GPATCH8: variants seen among roughly 807,000 people sequenced by gnomAD.
GPATCH8 encodes the protein G-patch domain containing 8.
Under a neutral mutation model 118.3 loss-of-function variants are expected in GPATCH8, and 18 were observed. The observed-to-expected ratio is 0.15, with a 90% CI of 0.11 to 0.23. The LOEUF is 0.23. Among genes scored for constraint, GPATCH8 ranks in the 10% least tolerant of loss-of-function variants. The probability of loss-of-function intolerance (pLI) is 1.00; values close to 1 mark genes in which losing one functional copy is unlikely to be tolerated. For synonymous variants in GPATCH8, 659 were observed against 684.7 expected, an observed-to-expected ratio of 0.96 and a Z score of 0.59; for missense variants, 1,631 against 1,873.8, an observed-to-expected ratio of 0.87 and a Z score of 2.39.
chr17:44,423,982 C>T (rs1403419708), intron 6 of GPATCH8, among the ~76,000 whole-genome samples: 1 of 152,088 alleles, frequency 6.6e-6, no homozygotes, highest in Non-Finnish European at 1.5e-5. Context: ...TTGAAAATAA[C>T]AGTCTGCTGA....
intron 3 of GPATCH8, among the ~76,000 whole-genome samples, chr17:44,454,861 T>C (rs1262507391): frequency 6.6e-6 from 1 of 152,236 alleles, no homozygotes; most frequent in Non-Finnish European, 1.5e-5. Flanking sequence ...CTACAAGCTC[T>C]ATATTTTATT....
At chr17:44,466,954 G>T in intron 2 of GPATCH8, 2 of 281,822 alleles carry the variant, frequency 7.1e-6, no homozygotes, top group Non-Finnish European at 1.5e-5. Flanking sequence ...CTTTTTTAAA[G>T]AAAACTCAAT....
chr17:44,462,334 C>T (rs2051585674), intron 3 of GPATCH8, among the ~76,000 whole-genome samples: 1 of 152,318 alleles, frequency 6.6e-6, no homozygotes, highest in East Asian at 1.9e-4. Context: ...AAAACAATCA[C>T]CTCCATTCAA....
At chr17:44,406,602 C>T (rs2049242687) in intron 6 of GPATCH8, among the ~76,000 whole-genome samples, 1 of 148,218 alleles carries the variant, frequency 6.7e-6, no homozygotes, top group African/African-American at 2.5e-5. Flanking sequence ...TTTCCTATAA[C>T]TATTAAATAA....
At chr17:44,466,969 G>T in intron 2 of GPATCH8, 24 of 273,708 alleles carry the variant, frequency 8.8e-5, no homozygotes, top group East Asian at 2.0e-4. Flanking sequence ...CTCAATCTTT[G>T]GCTAAGTGGA....
In GPATCH8 at chr17:44,480,612, C is replaced by T. The variant is rs962374776; in HGVS notation, c.46-5709G>A. Among the ~76,000 whole-genome samples, 11 of 151,558 alleles carry T rather than the reference C, an allele frequency of 7.3e-5. No homozygotes were observed. In the South Asian group the frequency reaches 1.7e-3, roughly 23 times the overall value. Reference sequence around the variant, plus strand: ...GCTCATGCTTGTAATCCCAGCTACTCGGGAGGCTGAGGCAGGAGAATCGCT... The same window carrying T: ...GCTCATGCTTGTAATCCCAGCTACTTGGGAGGCTGAGGCAGGAGAATCGCT... On this transcript the variant is annotated intron_variant, in intron 1 of 7. Coordinates refer to ENST00000591680, the MANE Select transcript of GPATCH8 (RefSeq NM_001002909.4).
In GPATCH8 at chr17:44,398,813, G is replaced by C; in HGVS notation, c.3264C>G (p.Val1088=). ...GDCSPEDKNS[V]TAKLLLEKIQ... ...TCTTCTCCAGTAGCAGTTTGGCAGT[G>C]ACAGAGTTCTTGTCTTCAGGACTGC... is the stretch of plus-strand genomic sequence containing the variant. Residue 1088 remains valine, a synonymous_variant, in exon 8 of 8, where the codon GTC becomes GTG. Transcript: ENST00000591680. 6.2e-7 allele frequency: 1 copy of C among 1,614,026 alleles called. No homozygotes were observed. The highest frequency in any genetic ancestry group is 8.5e-7 in the Non-Finnish European group (1 of 1,179,916).
chr17:44,416,840 G>T (rs1018952511), intron 6 of GPATCH8, among the ~76,000 whole-genome samples: 3 of 152,146 alleles, frequency 2.0e-5, no homozygotes, highest in African/African-American at 4.8e-5. Context: ...TTTTAGTTCT[G>T]CTATTTAAAG....
chr17:44,470,493 G>T (rs543181274), intron 2 of GPATCH8, among the ~76,000 whole-genome samples: 2 of 94,236 alleles, frequency 2.1e-5, no homozygotes, highest in Non-Finnish European at 4.3e-5. Flanking sequence ...TGCACCCAGC[G>T]CTTTTTTTTT....
intron 3 of GPATCH8, among the ~76,000 whole-genome samples, chr17:44,457,848 G>A (rs1395535332): frequency 5.3e-5 from 8 of 152,140 alleles, no homozygotes; most frequent in Admixed American, 3.9e-4. Context: ...TTGGGAGGCC[G>A]AGGTGGGCAG....
At chr17:44,499,545 T>C (rs1380201149) in intron 1 of GPATCH8, among the ~76,000 whole-genome samples, 1 of 152,210 alleles carries the variant, frequency 6.6e-6, no homozygotes, top group African/African-American at 2.4e-5. Flanking sequence ...GTACATATAC[T>C]AAAGAACATT....
chr17:44,478,598 G>A (rs895252933), intron 1 of GPATCH8, among the ~76,000 whole-genome samples: 3 of 151,962 alleles, frequency 2.0e-5, no homozygotes, highest in Non-Finnish European at 4.4e-5. Flanking sequence ...AGGGGTTCAA[G>A]ACTGCTGTGA....
At chr17:44,411,451 T>C (rs563252033) in intron 6 of GPATCH8, among the ~76,000 whole-genome samples, 41 of 152,356 alleles carry the variant, frequency 2.7e-4, no homozygotes, top group Non-Finnish European at 4.6e-4. Context: ...TTATATTTGA[T>C]GGAGTATACT....
intron 3 of GPATCH8, among the ~76,000 whole-genome samples, chr17:44,438,491 G>A (rs2050587356): frequency 6.6e-6 from 1 of 151,880 alleles, no homozygotes; most frequent in Non-Finnish European, 1.5e-5. Flanking sequence ...AACACAAACA[G>A]ATACATCCCT....
chr17:44,401,856 T>C (rs954041249), intron 7 of GPATCH8, among the ~76,000 whole-genome samples: 5 of 151,466 alleles, frequency 3.3e-5, no homozygotes, highest in South Asian at 2.1e-4. Flanking sequence ...ATACAAAAAT[T>C]AGCCAGGCAT....
chr17:44,485,552 A>G (rs1479641085), intron 1 of GPATCH8, among the ~76,000 whole-genome samples: 2 of 152,056 alleles, frequency 1.3e-5, no homozygotes, highest in Non-Finnish European at 2.9e-5. Flanking sequence ...TTGGCCTCCC[A>G]AAGTGCTGGG....
At position 44,395,956 on chromosome 17, in the gene GPATCH8, A is replaced by G. The variant is rs2048764951; in HGVS notation, c.*1612T>C. 2.2e-6 allele frequency: 1 copy of G among 454,284 alleles called. No individual in the cohort carries two copies. Among genetic ancestry groups the G allele is most frequent in the African/African-American group, 2.0e-5 (1 of 49,992 alleles). The allele number at this position is 454,284 out of a possible 1,614,324, so 28.1% of individuals were successfully genotyped here. A position where few individuals can be genotyped will look rare whatever the true frequency, so the allele number is the denominator to read the frequency against. ...AGGGGCAAAAGAGGCTGAGGTGGTA[A>G]TTCCTCTTGTCAGTGTCATGGGAGA... On this transcript the variant is annotated 3_prime_UTR_variant, in exon 8 of 8. Transcript: ENST00000591680.
chr17:44,395,905 T>C lies in GPATCH8; in HGVS notation c.*1663A>G, dbSNP rs1268466535. 1 of 454,064 alleles carries C rather than the reference T, an allele frequency of 2.2e-6. No individual in the cohort carries two copies. Among genetic ancestry groups the C allele is most frequent in the African/African-American group, 2.0e-5 (1 of 50,000 alleles). 28.1% of individuals were successfully genotyped at this position (454,064 alleles called of 1,614,324 possible). A position where few individuals can be genotyped will look rare whatever the true frequency, so the allele number is the denominator to read the frequency against. ...TTTGGGTCAGTGTGTTAATTAGGGC[T>C]GAGAGCCTGGGTGAAAGGCAAGAAG... On this transcript the variant is annotated 3_prime_UTR_variant, in exon 8 of 8. Coordinates refer to ENST00000591680, the MANE Select transcript of GPATCH8 (RefSeq NM_001002909.4).
intron 3 of GPATCH8, among the ~76,000 whole-genome samples, chr17:44,455,781 CTT>C (rs1035410859): frequency 8.5e-5 from 13 of 152,154 alleles, no homozygotes; most frequent in East Asian, 1.9e-4. Flanking sequence ...GAGTTTCGCT[CTT>C]GTCACCCAGG....
Sources: allele counts gnomAD v4.1 joint callset (sites outside exome capture counted in the v4.1 genomes callset), GRCh38; gene constraint gnomAD v4.1.1; transcripts MANE v1.5; gene names NCBI Gene and HGNC (gene_info 2026-07-23, HGNC 2026-07-21).